Variants in TNS1 observed in about 807,000 individuals in gnomAD.
TNS1 encodes the protein tensin 1, also known as tensin-1.
TNS1 carries 62 observed loss-of-function variants against 168.6 expected under a neutral mutation model. That is an observed-to-expected ratio of 0.37 (90% CI 0.30 to 0.45). The LOEUF is 0.45. Among genes scored for constraint, TNS1 ranks in the 20% least tolerant of loss-of-function variants. The pLI, the probability that TNS1 is intolerant of heterozygous loss-of-function variation, is 1.00. For missense variants in TNS1, 2,240 were observed against 2,339.4 expected, an observed-to-expected ratio of 0.96 and a Z score of 0.88; for synonymous variants, 934 against 933.2, an observed-to-expected ratio of 1.00 and a Z score of -0.02.
At chr2:218,015,392 T>C (rs1958748499), upstream of TNS1, among the ~76,000 whole-genome samples, 1 of 152,108 alleles carries the variant, frequency 6.6e-6, no homozygotes, top group South Asian at 2.1e-4. Context: ...TGTTTCTCCT[T>C]TCATAGATAT....
rs1004558149 is a variant in TNS1, at chr2:217,923,185, T to G, written c.187-2949A>C. 1.4e-4 allele frequency among the ~76,000 whole-genome samples: 22 copies of G among 152,228 alleles called. 1 individual carries two copies. The South Asian group carries it at 3.3e-3, about 23-fold the overall frequency. On this transcript the variant is annotated intron_variant, in intron 3 of 32. Transcript: ENST00000682258. Reference sequence around the variant, plus strand: ...GGGGGTCTTGGTGCCAGCGCTGTCATAGGCTCACCTCCCAGAGCTGTCAGT... The same window carrying G: ...GGGGGTCTTGGTGCCAGCGCTGTCAGAGGCTCACCTCCCAGAGCTGTCAGT...
At chr2:217,903,145 T>C (rs1015434380) in intron 6 of TNS1, among the ~76,000 whole-genome samples, 2 of 152,082 alleles carry the variant, frequency 1.3e-5, no homozygotes, top group African/African-American at 2.4e-5. Context: ...CCTCCAATCT[T>C]CATGCTCATT....
rs566789099 is a variant in TNS1, at chr2:218,033,407, C to T, written c.156+413G>A. ...AGTCCTTGCTCCAGTGGGGCCCCCA[C>T]CCTCCTAACTCCAGAGTCCTCCTAA... On this transcript the variant is annotated intron_variant, in intron 1 of 1. Coordinates refer to the TNS1 transcript ENST00000649572. The surrounding 1 kb of genome is among the most constrained non-coding windows in gnomAD (Gnocchi z 4.3). Among the ~76,000 whole-genome samples the T allele has an allele frequency of 1.3e-5, 2 of 152,292 alleles. No homozygotes were observed. The highest frequency in any genetic ancestry group is 4.8e-5 in the African/African-American group (2 of 41,550).
intron 3 of TNS1, among the ~76,000 whole-genome samples, chr2:217,923,934 G>A (rs895885461): frequency 2.6e-5 from 4 of 152,096 alleles, no homozygotes; most frequent in Admixed American, 6.5e-5. Flanking sequence ...AACTTCAAAG[G>A]TCCCTGAGCA....
At position 217,991,050 on chromosome 2, in the gene TNS1, C is replaced by A; in HGVS notation, c.40G>T (p.Asp14Tyr). 1.5e-6 allele frequency: 1 copy of A among 674,542 alleles called. No individual in the cohort carries two copies. Among genetic ancestry groups the A allele is most frequent in the Non-Finnish European group, 2.7e-6 (1 of 365,006 alleles). 41.8% of individuals were successfully genotyped at this position (674,542 alleles called of 1,614,324 possible). A position where few individuals can be genotyped will look rare whatever the true frequency, so the allele number is the denominator to read the frequency against. Residue 14 changes from aspartate to tyrosine, a missense_variant, in exon 2 of 33, where the codon GAT (aspartate) becomes TAT (tyrosine). Asp to Tyr is a radical substitution (Grantham distance 160). This residue lies in a region of TNS1 where 2,131 missense variants were observed against 2,171.2 expected (regional missense o/e 0.98). Coordinates refer to ENST00000682258, the MANE Select transcript of TNS1 (RefSeq NM_001387777.1). ...CGGTGTGTCTTGGGGGCCTCCAGAT[C>A]CTCTGGCTGTGGGAGGAGAGGCACA... Reference protein sequence around the residue: ...ICLSCMLWPEDLEAPKTHRFK... With the variant: ...ICLSCMLWPEYLEAPKTHRFK...
intron 3 of TNS1, among the ~76,000 whole-genome samples, chr2:217,932,454 T>TA (rs1487109189): frequency 6.6e-6 from 1 of 152,208 alleles, no homozygotes; most frequent in Non-Finnish European, 1.5e-5. Context: ...GGATACAGAA[T>TA]ATGCTTAGGA....
chr2:217,996,443 C>A (rs928956749), intron 1 of TNS1, among the ~76,000 whole-genome samples: 1 of 152,102 alleles, frequency 6.6e-6, no homozygotes, highest in Non-Finnish European at 1.5e-5. Context: ...CTGGGAGTCC[C>A]ATGGGCACCT....
intron 1 of TNS1, among the ~76,000 whole-genome samples, chr2:218,016,701 G>C (rs1423525017): frequency 6.6e-6 from 1 of 152,216 alleles, no homozygotes. Context: ...AGGAGGAAGG[G>C]AATGGACCCC....
At chr2:217,942,448 C>A (rs1426571854) in intron 3 of TNS1, among the ~76,000 whole-genome samples, 1 of 152,194 alleles carries the variant, frequency 6.6e-6, no homozygotes, top group Non-Finnish European at 1.5e-5. Flanking sequence ...CCCTCACTCC[C>A]TTCCACAACC....
At chr2:217,822,060 C>A in intron 22 of TNS1, 122 bp from the exon 23 acceptor site, 2 of 1,097,900 alleles carry the variant, frequency 1.8e-6, no homozygotes, top group Admixed American at 3.2e-5. Context: ...AGGAATAGCC[C>A]CCAAAGGACA....
chr2:218,003,007 C>G (rs560933315), upstream of TNS1: 6 of 444,474 alleles, frequency 1.3e-5, no homozygotes, highest in Admixed American at 2.4e-5. Context: ...CTGGGCCTCT[C>G]GCCCTGCTGC....
intron 2 of TNS1, among the ~76,000 whole-genome samples, chr2:217,989,735 A>T (rs1278107196): frequency 6.6e-6 from 1 of 152,088 alleles, no homozygotes; most frequent in East Asian, 1.9e-4. Context: ...GAGCTGCCAC[A>T]GGAGAGGGCT....
Position 217,814,880 on chromosome 2 carries a change from G to A in TNS1, c.4729+32C>T, listed in dbSNP as rs376408033. The A allele has an allele frequency of 3.0e-5, 48 of 1,586,418 alleles. No homozygotes were observed. In the African/African-American group the frequency reaches 5.1e-4, roughly 17 times the overall value. On this transcript the variant is annotated intron_variant, in intron 25 of 32. Coordinates refer to ENST00000682258, the MANE Select transcript of TNS1 (RefSeq NM_001387777.1). Reference sequence around the variant, plus strand: ...ACACAGCAGGCCTCAGCCAGCTATGGCCTCTGATGCACCACAGAGCCCAGC... The same window carrying A: ...ACACAGCAGGCCTCAGCCAGCTATGACCTCTGATGCACCACAGAGCCCAGC...
In TNS1 at chr2:217,920,428, G is replaced by A. The variant is rs112508143; in HGVS notation, c.187-192C>T. Among the ~76,000 whole-genome samples the A allele has an allele frequency of 4.4e-3, 669 of 152,314 alleles. 4 individuals carry two copies. Among genetic ancestry groups the A allele is most frequent in the African/African-American group, 0.014 (602 of 41,568 alleles). ...CTCCAGCAATAACGCCTGGGAAAGG[G>A]AGCGGGGGCCGCAGAAGGCAAAAAT... On this transcript the variant is annotated intron_variant, in intron 3 of 32. Coordinates refer to ENST00000682258, the MANE Select transcript of TNS1 (RefSeq NM_001387777.1).
In TNS1 at chr2:217,831,446, C is replaced by A; in HGVS notation, c.3373+9G>T. On this transcript the variant is annotated intron_variant, in intron 22 of 32. Transcript: ENST00000682258. Reference sequence around the variant, plus strand: ...GCCCCCCTCCCCATCTTCCCTCTTCCCAACTCACCTCCTGTGGGGTGCAAC... The same window carrying A: ...GCCCCCCTCCCCATCTTCCCTCTTCACAACTCACCTCCTGTGGGGTGCAAC... 6.4e-7 allele frequency: 1 copy of A among 1,571,960 alleles called. No homozygotes were observed. Among genetic ancestry groups the A allele is most frequent in the Admixed American group, 1.8e-5 (1 of 54,140 alleles).
At position 217,817,716 on chromosome 2, in the gene TNS1, G is replaced by T. The variant is rs775043696; in HGVS notation, c.4616C>A (p.Pro1539His). The T allele has an allele frequency of 5.0e-6, 8 of 1,601,918 alleles. No homozygotes were observed. Among genetic ancestry groups the T allele is most frequent in the Middle Eastern group, 1.7e-4 (1 of 6,040 alleles). Reference sequence around the variant, plus strand: ...TGGCATGGAGTACTTGGAGAAGTCGGGCAGAGTGTGGGAGAAGGAGACGGT... The same window carrying T: ...TGGCATGGAGTACTTGGAGAAGTCGTGCAGAGTGTGGGAGAAGGAGACGGT... ...GSTVSFSHTL[P>H]DFSKYSMPDN... The change falls in exon 24 of 33, where the codon CCC (proline) becomes CAC (histidine). Residue 1539 changes from proline (P) to histidine (H), a missense_variant. Pro to His is a moderately conservative substitution (Grantham distance 77). Around this residue, in one of 2 missense-constraint regions of TNS1, gnomAD observed 2,131 missense variants for 2,171.2 expected, o/e 0.98. Coordinates refer to ENST00000682258, the MANE Select transcript of TNS1 (RefSeq NM_001387777.1).
At chr2:217,812,722 C>A (rs1229888073) in intron 27 of TNS1, among the ~76,000 whole-genome samples, 1 of 152,204 alleles carries the variant, frequency 6.6e-6, no homozygotes, top group African/African-American at 2.4e-5. Context: ...GTTACTGGGG[C>A]TCCTCTGAGA....
chr2:217,964,483 G>A (rs189997997), intron 3 of TNS1, among the ~76,000 whole-genome samples: 6 of 152,336 alleles, frequency 3.9e-5, no homozygotes, highest in African/African-American at 7.2e-5. Flanking sequence ...GGCTGTGTGA[G>A]CGCACTGCTC....
At chr2:217,884,097 C>A (rs1056052238) in intron 16 of TNS1, among the ~76,000 whole-genome samples, 1 of 124,260 alleles carries the variant, frequency 8.0e-6, no homozygotes, top group African/African-American at 3.1e-5. Context: ...AGCACATGCC[C>A]GACACATACA....
Sources: gnomAD v4.1 joint callset for allele counts (sites outside exome capture counted in the v4.1 genomes callset) on GRCh38, gnomAD v4.1.1 for gene constraint, gnomAD v4.1.1 regional missense constraint, Gnocchi (gnomAD v3.1) non-coding constraint, MANE v1.5 for transcripts, NCBI Gene and HGNC (gene_info 2026-07-23, HGNC 2026-07-21) for gene names.